The following PCDHGB4 variants were observed in gnomAD, a reference collection of about 807,000 sequenced individuals.
PCDHGB4 encodes protocadherin gamma-B4.
A neutral mutation model predicts 60.5 loss-of-function variants in PCDHGB4; 38 were observed. That is an observed-to-expected ratio of 0.63 (90% CI 0.48 to 0.82). PCDHGB4 has a LOEUF of 0.82. PCDHGB4 is among the 40% of genes least tolerant of loss of function. PCDHGB4 has a pLI of 0.00. For missense variants in PCDHGB4, 1,109 were observed against 1,209.6 expected (o/e 0.92, Z 1.23); for synonymous variants, 456 against 509.7 (o/e 0.89, Z 1.42).
chr5:141,408,079 A>C (rs1176059527), intron 1 of PCDHGB4: 13 of 1,407,872 alleles, frequency 9.2e-6, no homozygotes, highest in Non-Finnish European at 1.1e-5. Context: ...CTTTCCCAGC[A>C]CAGCGGATTG....
At position 141,477,811 on chromosome 5, in the gene PCDHGB4, C is replaced by T. The variant is rs1211574518; in HGVS notation, c.2398-16996C>T. The T allele has an allele frequency of 6.2e-7, 1 of 1,614,164 alleles. No homozygotes were observed. The highest frequency in any genetic ancestry group is 8.5e-7 in the Non-Finnish European group (1 of 1,180,026). ...TCACTGATCGCAATGACAATGCCCC[C>T]CAGGTCCTATATCCTCGGCCAGGTG... is the stretch of plus-strand genomic sequence containing the variant. On this transcript the variant is annotated intron_variant, in intron 1 of 3. Transcript: ENST00000519479. The surrounding 1 kb of genome is among the most constrained non-coding windows in gnomAD (Gnocchi z 4.9).
At chr5:141,416,093 C>T (rs1241017265) in intron 1 of PCDHGB4, 1 of 162,720 alleles carries the variant, frequency 6.1e-6, no homozygotes, top group Admixed American at 6.4e-5. Flanking sequence ...AGGAGAAGGG[C>T]AATAGGCCTT....
intron 1 of PCDHGB4, among the ~76,000 whole-genome samples, chr5:141,484,419 A>G (rs978469951): frequency 1.3e-5 from 2 of 152,206 alleles, no homozygotes; most frequent in Non-Finnish European, 2.9e-5. Flanking sequence ...TCCTGTTACA[A>G]TGAGAACATG....
rs140056243 is a variant in PCDHGB4 at position 141,487,386 on chromosome 5, G to A, written c.2398-7421G>A. 21 of 1,614,046 alleles carry A rather than the reference G, an allele frequency of 1.3e-5. No individual in the cohort carries two copies. The highest frequency in any genetic ancestry group is 4.0e-5 in the African/African-American group (3 of 74,920). On this transcript the variant is annotated intron_variant, in intron 1 of 3. Coordinates refer to ENST00000519479, the MANE Select transcript of PCDHGB4 (RefSeq NM_003736.4). The surrounding 1 kb of genome is among the most constrained non-coding windows in gnomAD (Gnocchi z 5.0). Reference sequence around the variant, plus strand: ...ACCTGTGCCTGTCTCACCAGATCTCGAAGGAGGGAGGGGCTTCCCCCTTCC... The same window carrying A: ...ACCTGTGCCTGTCTCACCAGATCTCAAAGGAGGGAGGGGCTTCCCCCTTCC...
chr5:141,413,548 A>G, intron 1 of PCDHGB4: 1 of 1,613,946 alleles, frequency 6.2e-7, no homozygotes, highest in Non-Finnish European at 8.5e-7. Context: ...TGGGATAGAA[A>G]TAGAAGTAAC....
chr5:141,422,873 T>C (rs1474438774), intron 1 of PCDHGB4: 1 of 1,614,158 alleles, frequency 6.2e-7, no homozygotes, highest in Admixed American at 1.7e-5. Flanking sequence ...AACGTGTCGC[T>C]GAGCCTGTTC....
At chr5:141,403,631 C>T (rs751580878) in intron 1 of PCDHGB4, 8 of 1,613,912 alleles carry the variant, frequency 5.0e-6, no homozygotes, top group South Asian at 2.2e-5. Context: ...CAGCACAGTG[C>T]GCATCCATGT....
chr5:141,400,439 C>T, intron 1 of PCDHGB4: 1 of 1,614,056 alleles, frequency 6.2e-7, no homozygotes. Context: ...CAATTGAGTT[C>T]AGGACAAGAC....
At chr5:141,502,309 T>G (rs1395136136) in intron 2 of PCDHGB4, among the ~76,000 whole-genome samples, 2 of 152,196 alleles carry the variant, frequency 1.3e-5, no homozygotes, top group Admixed American at 6.5e-5. Flanking sequence ...TTTCCTCTCC[T>G]TTAATCTGGA....
chr5:141,507,478 C>T (rs933478897), intron 3 of PCDHGB4, among the ~76,000 whole-genome samples: 5 of 152,158 alleles, frequency 3.3e-5, no homozygotes, highest in African/African-American at 1.2e-4. Flanking sequence ...GGACTGCTGG[C>T]CTCCTGAGGC....
At chr5:141,421,776 G>A in intron 1 of PCDHGB4, 5 of 1,613,876 alleles carry the variant, frequency 3.1e-6, no homozygotes, top group Non-Finnish European at 3.4e-6. Context: ...CCTTGCAACT[G>A]CGGGGCAGAA....
chr5:141,510,840 A>C (rs2099882997), intron 3 of PCDHGB4, 107 bp from the exon 4 acceptor site: 1 of 1,588,450 alleles, frequency 6.3e-7, no homozygotes, highest in Non-Finnish European at 8.6e-7. Context: ...CAGCGTGGTC[A>C]AGGCCCAGGG....
At chr5:141,492,527 G>A (rs1000672383) in intron 1 of PCDHGB4, among the ~76,000 whole-genome samples, 1 of 152,184 alleles carries the variant, frequency 6.6e-6, no homozygotes, top group African/African-American at 2.4e-5. Flanking sequence ...TCTCCCACCT[G>A]CGCCCCGGGC....
At position 141,484,932 on chromosome 5, in the gene PCDHGB4, C is replaced by T. The variant is rs1594431677; in HGVS notation, c.2398-9875C>T. On this transcript the variant is annotated intron_variant, in intron 1 of 3. Coordinates refer to ENST00000519479, the MANE Select transcript of PCDHGB4 (RefSeq NM_003736.4). ...CGCATTAACCCTGCTGCTGTTGGGA[C>T]GTTCTCTGCTCAGCCTATTGGCTGA... 1.2e-5 allele frequency: 6 copies of T among 501,356 alleles called. No individual in the cohort carries two copies. The East Asian group carries it at 1.4e-4, about 12-fold the overall frequency. 31.1% of individuals were successfully genotyped at this position (501,356 alleles called of 1,614,324 possible).
intron 2 of PCDHGB4, among the ~76,000 whole-genome samples, chr5:141,497,213 G>A (rs1313220474): frequency 6.6e-6 from 1 of 152,126 alleles, no homozygotes; most frequent in Non-Finnish European, 1.5e-5. Flanking sequence ...GTGTAATGGG[G>A]GGGGGAAGAT....
Position 141,389,842 on chromosome 5 carries a change from C to G in PCDHGB4, c.1958C>G (p.Ser653Trp), listed in dbSNP as rs779733638. The G allele has an allele frequency of 3.7e-6, 6 of 1,613,900 alleles. No individual in the cohort carries two copies. In the Admixed American group the frequency reaches 8.3e-5, roughly 22 times the overall value. ...AVRDGGQPPL[S>W]ATATLHLVFA... is the part of the protein sequence containing the mutation. ...CGTGACGGTGGACAGCCACCACTCT[C>G]GGCCACTGCCACGTTGCACCTGGTC... The change falls in exon 1 of 4, where the codon TCG becomes TGG. Residue 653 changes from serine to tryptophan, a missense_variant. Around this residue, in one of 2 missense-constraint regions of PCDHGB4, gnomAD observed 1,068 missense variants for 1,089.9 expected, o/e 0.98. Coordinates refer to ENST00000519479, the MANE Select transcript of PCDHGB4 (RefSeq NM_003736.4).
Position 141,389,779 on chromosome 5 carries a change from A to T in PCDHGB4, c.1895A>T (p.Asp632Val), listed in dbSNP as rs779598795. Residue 632 changes from aspartate (D) to valine (V), a missense_variant, in exon 1 of 4, where the codon GAC (aspartate) becomes GTC (valine). Physicochemically the swap from Asp to Val is radical, Grantham distance 152 (BLOSUM62 -3). Coordinates refer to ENST00000519479, the MANE Select transcript of PCDHGB4 (RefSeq NM_003736.4). The stretch of plus-strand genomic sequence containing the variant: ...GTGCGCACAGCGCGTGCCTTAGGCG[A>T]CAGGGACGCCGTCCGCCAGCGCCTT... ...GEVRTARALG[D>V]RDAVRQRLLV... 1 of 1,613,298 alleles carries T rather than the reference A, an allele frequency of 6.2e-7. No individual in the cohort carries two copies. Among genetic ancestry groups the T allele is most frequent in the South Asian group, 1.1e-5 (1 of 91,042 alleles).
chr5:141,501,290 T>C lies in PCDHGB4; in HGVS notation c.2457-4103T>C, dbSNP rs796726601. Among the ~76,000 whole-genome samples, 19 of 136,248 alleles carry C rather than the reference T, an allele frequency of 1.4e-4. No individual in the cohort carries two copies. The South Asian group carries it at 2.4e-3, about 17-fold the overall frequency. 89.4% of individuals were successfully genotyped at this position (136,248 alleles called of 152,430 possible). ...GTCCAGTCTATGGGATATTCCCTTA[T>C]ACACACACACACACACACACACACA... On this transcript the variant is annotated intron_variant, in intron 2 of 3. Coordinates refer to ENST00000519479, the MANE Select transcript of PCDHGB4 (RefSeq NM_003736.4).
In PCDHGB4 at chr5:141,487,883, G is replaced by A; in HGVS notation, c.2398-6924G>A. ...GGTGATCAAGAGCCAGGCTGTTGTG[G>A]AAGCATGATGATGGAATGTGGGAGC... is the stretch of plus-strand genomic sequence containing the variant. On this transcript the variant is annotated intron_variant, in intron 1 of 3. Transcript: ENST00000519479. This position sits in a 1 kb window ranked among gnomAD's most constrained non-coding sequence, Gnocchi z 5.0. The A allele has an allele frequency of 1.3e-6, 1 of 766,586 alleles. No homozygotes were observed. The highest frequency in any genetic ancestry group is 1.8e-5 in the South Asian group (1 of 55,094). 47.5% of individuals were successfully genotyped at this position (766,586 alleles called of 1,614,324 possible).
Sources: gnomAD v4.1 joint callset for allele counts (sites outside exome capture counted in the v4.1 genomes callset) on GRCh38, gnomAD v4.1.1 for gene constraint, gnomAD v4.1.1 regional missense constraint, Gnocchi (gnomAD v3.1) non-coding constraint, MANE v1.5 for transcripts, NCBI Gene and HGNC (gene_info 2026-07-23, HGNC 2026-07-21) for gene names.